Variants in PPP2R2D observed in about 807,000 individuals in gnomAD.
PPP2R2D encodes the protein protein phosphatase 2 regulatory subunit Bdelta.
Under a neutral mutation model 31.1 loss-of-function variants are expected in PPP2R2D, and 9 were observed. The ratio of observed to expected loss-of-function variants is 0.29; its 90% CI spans 0.17 to 0.51. PPP2R2D has a LOEUF of 0.51. Among genes scored for constraint, PPP2R2D ranks in the 20% least tolerant of loss-of-function variants. PPP2R2D has a pLI of 0.98. For missense variants in PPP2R2D, 391 were observed against 465.6 expected (o/e 0.84, Z 1.48); for synonymous variants, 179 against 172.6 (o/e 1.04, Z -0.29).
intron 8 of PPP2R2D, among the ~76,000 whole-genome samples, chr10:131,948,017 TA>T (rs1376302340): frequency 1.3e-5 from 2 of 152,256 alleles, no homozygotes; most frequent in Non-Finnish European, 2.9e-5. Flanking sequence ...AGACAAGAAG[TA>T]TAGCACTAGG....
chr10:131,916,040 C>G (rs769025464), intron 2 of PPP2R2D, among the ~76,000 whole-genome samples: 1 of 152,168 alleles, frequency 6.6e-6, no homozygotes, highest in Non-Finnish European at 1.5e-5. Flanking sequence ...TGTGTACGCC[C>G]TAAAGTACTG....
the PPP2R2D span, chr10:131,968,743 A>C: frequency 5.5e-6 from 3 of 541,930 alleles, no homozygotes; most frequent in Admixed American, 3.1e-5. Flanking sequence ...CTAGTGTTTT[A>C]TCAATATGTA....
At position 131,956,165 on chromosome 10, in the gene PPP2R2D, C is replaced by G; in HGVS notation, c.*202C>G. The stretch of plus-strand genomic sequence containing the variant: ...GGCGCGAGACAGGCGCTGCTGCTCA[C>G]GTGGAGACGCTCTCGAAGCAGAGTT... On this transcript the variant is annotated 3_prime_UTR_variant, in exon 9 of 9. Coordinates refer to ENST00000455566, the MANE Select transcript of PPP2R2D (RefSeq NM_018461.5). 1 of 1,233,594 alleles carries G rather than the reference C, an allele frequency of 8.1e-7. No individual in the cohort carries two copies. The highest frequency in any genetic ancestry group is 1.0e-6 in the Non-Finnish European group (1 of 989,178). The allele number at this position is 1,233,594 out of a possible 1,614,324, so 76.4% of individuals were successfully genotyped here. A position where few individuals can be genotyped will look rare whatever the true frequency, so the allele number is the denominator to read the frequency against.
chr10:131,902,483 C>T (rs1388360891), intron 2 of PPP2R2D, among the ~76,000 whole-genome samples: 1 of 152,108 alleles, frequency 6.6e-6, no homozygotes, highest in Non-Finnish European at 1.5e-5. Flanking sequence ...ACAAACAGGG[C>T]CTAGGTTATT....
intron 2 of PPP2R2D, among the ~76,000 whole-genome samples, chr10:131,917,335 G>A (rs1259518083): frequency 1.1e-4 from 14 of 131,080 alleles, no homozygotes; most frequent in African/African-American, 3.9e-4. Context: ...GACCTCAGGC[G>A]GGTGGGATGA....
chr10:131,923,394 A>T (rs948639263), intron 2 of PPP2R2D, among the ~76,000 whole-genome samples: 5 of 152,182 alleles, frequency 3.3e-5, no homozygotes, highest in Non-Finnish European at 5.9e-5. Flanking sequence ...TGGCTCTTTC[A>T]AATGCACCTG....
At chr10:131,914,064 G>A (rs1434870192) in intron 2 of PPP2R2D, among the ~76,000 whole-genome samples, 2 of 152,210 alleles carry the variant, frequency 1.3e-5, no homozygotes, top group African/African-American at 4.8e-5. Context: ...GAAAGGGGCA[G>A]CAGGTTTGCT....
intron 2 of PPP2R2D, among the ~76,000 whole-genome samples, chr10:131,911,029 A>G (rs1375490066): frequency 2.0e-5 from 3 of 152,020 alleles, no homozygotes; most frequent in African/African-American, 7.2e-5. Context: ...CCTTTATAAT[A>G]AACCGCTAAA....
chr10:131,941,518 C>T (rs1398952780), intron 5 of PPP2R2D, among the ~76,000 whole-genome samples: 1 of 151,336 alleles, frequency 6.6e-6, no homozygotes, highest in Non-Finnish European at 1.5e-5. Flanking sequence ...ATTGGAAAAC[C>T]GTTGGTTGTT....
rs2036562789 is a variant in PPP2R2D, at chr10:131,947,445, A to G, written c.821-85A>G. On this transcript the variant is annotated intron_variant, in intron 7 of 8. Coordinates refer to ENST00000455566, the MANE Select transcript of PPP2R2D (RefSeq NM_018461.5). This position sits in a 1 kb window ranked among gnomAD's most constrained non-coding sequence, Gnocchi z 4.3. ...CCAAGCCCTTCCAGAGTCTCTCTGAAGGGGCCACTTCCTACTTGAACTTGA... is the reference window on the plus strand; with the variant it reads ...CCAAGCCCTTCCAGAGTCTCTCTGAGGGGGCCACTTCCTACTTGAACTTGA... The G allele has an allele frequency of 7.0e-7, 1 of 1,430,426 alleles. No individual in the cohort carries two copies. Among genetic ancestry groups the G allele is most frequent in the Non-Finnish European group, 9.4e-7 (1 of 1,059,808 alleles). 88.6% of individuals were successfully genotyped at this position (1,430,426 alleles called of 1,614,324 possible).
At chr10:131,953,123 T>A (rs2036712521) in intron 8 of PPP2R2D, among the ~76,000 whole-genome samples, 1 of 80,968 alleles carries the variant, frequency 1.2e-5, no homozygotes, top group African/African-American at 5.5e-5. Flanking sequence ...TTCCCTGTCT[T>A]AGCAGTGACT....
chr10:131,909,759 G>T (rs1429119402), intron 2 of PPP2R2D, among the ~76,000 whole-genome samples: 1 of 152,220 alleles, frequency 6.6e-6, no homozygotes, highest in East Asian at 1.9e-4. Flanking sequence ...TGAGGATCCA[G>T]AGAGCCTTTG....
At chr10:131,931,870 T>G (rs1247310586) in intron 2 of PPP2R2D, among the ~76,000 whole-genome samples, 1 of 152,152 alleles carries the variant, frequency 6.6e-6, no homozygotes, top group Admixed American at 6.5e-5. Flanking sequence ...TGGCGGCCGG[T>G]AGCCAGTGTC....
downstream of PPP2R2D, among the ~76,000 whole-genome samples, chr10:131,962,734 T>C (rs575866215): frequency 1.3e-5 from 2 of 152,322 alleles, no homozygotes; most frequent in South Asian, 2.1e-4. Context: ...ACCCCGCAGA[T>C]GGCCAGGCCC....
At chr10:131,918,523 GC>G (rs2035877409) in intron 2 of PPP2R2D, among the ~76,000 whole-genome samples, 1 of 149,142 alleles carries the variant, frequency 6.7e-6, no homozygotes, top group Non-Finnish European at 1.5e-5. Context: ...GGGACCTCAG[GC>G]CGGTGGAATG....
intron 2 of PPP2R2D, among the ~76,000 whole-genome samples, chr10:131,932,852 G>A (rs992261720): frequency 1.1e-4 from 16 of 151,964 alleles, no homozygotes; most frequent in Non-Finnish European, 2.1e-4. Context: ...TCTAATTTTA[G>A]GTTCACGCGT....
intron 8 of PPP2R2D, among the ~76,000 whole-genome samples, chr10:131,953,170 C>A (rs76473721): frequency 5.2e-5 from 1 of 19,292 alleles, no homozygotes; most frequent in African/African-American, 3.8e-4. Flanking sequence ...TAGTGACTTG[C>A]GGGTGTGCGG....
intron 2 of PPP2R2D, among the ~76,000 whole-genome samples, chr10:131,924,787 G>A (rs1330128194): frequency 1.3e-5 from 2 of 149,642 alleles, no homozygotes. Flanking sequence ...TTTTCCAATC[G>A]TGACACAGGA....
chr10:131,964,487 C>A (rs139925876), downstream of PPP2R2D, among the ~76,000 whole-genome samples: 471 of 152,102 alleles, frequency 3.1e-3, 4 homozygotes, highest in Middle Eastern at 6.8e-3. Flanking sequence ...CGGCTCAAAC[C>A]GCGACTCACT....
Sources: allele counts gnomAD v4.1 joint callset (sites outside exome capture counted in the v4.1 genomes callset), GRCh38; gene constraint gnomAD v4.1.1; non-coding constraint Gnocchi (gnomAD v3.1); transcripts MANE v1.5; gene names NCBI Gene and HGNC (gene_info 2026-07-23, HGNC 2026-07-21).